Variants in NCAPD2 observed in about 807,000 individuals in gnomAD.
The protein encoded by NCAPD2 is non-SMC condensin I complex subunit D2.
Under a neutral mutation model 164.5 loss-of-function variants are expected in NCAPD2, and 100 were observed. The observed-to-expected ratio is 0.61, with a 90% CI of 0.52 to 0.72. The LOEUF is 0.72. NCAPD2 is among the 30% of genes least tolerant of loss of function. The pLI is 0.00. For synonymous variants in NCAPD2, 585 were observed against 642.6 expected (o/e 0.91, Z 1.36); for missense variants, 1,560 against 1,749.2 (o/e 0.89, Z 1.93).
At chr12:6,504,234 T>C (rs143070038) in intron 2 of NCAPD2, among the ~76,000 whole-genome samples, 47,780 of 107,786 alleles carry the variant, frequency 0.44, 10,746 homozygotes, top group African/African-American at 0.56. Flanking sequence ...GATATATATA[T>C]ATATATATAC....
rs1946366990 is a variant in NCAPD2, at chr12:6,530,969, T to C, written c.4013T>C (p.Val1338Ala). ...TCTACAGCCTCAGACAATGACTTTGTCACACCAGAGCCCCGCCGTACTACC... is the reference window on the plus strand; with the variant it reads ...TCTACAGCCTCAGACAATGACTTTGCCACACCAGAGCCCCGCCGTACTACC... ...LASTASDNDF[V>A]TPEPRRTTRR... The change falls in exon 31 of 32, where the codon GTC (valine) becomes GCC (alanine). Residue 1338 changes from valine (V) to alanine (A), a missense_variant. Transcript: ENST00000315579. The C allele has an allele frequency of 6.2e-7, 1 of 1,614,040 alleles. No homozygotes were observed.
Position 6,528,932 on chromosome 12 carries a change from CTCTG to C in NCAPD2, c.3478-9_3478-6del, listed in dbSNP as rs1169673202. 6.8e-6 allele frequency: 11 copies of C among 1,613,948 alleles called. No individual in the cohort carries two copies. The East Asian group carries it at 1.3e-4, about 20-fold the overall frequency. ...CACCTCATCTCCTTAACATGGCTCTCTCTGTCTTACAGGGCAACGCAATCTATAA... is the reference window on the plus strand; with the variant it reads ...CACCTCATCTCCTTAACATGGCTCTCTCTTACAGGGCAACGCAATCTATAA... On this transcript the variant is annotated splice_polypyrimidine_tract_variant and intron_variant, in intron 26 of 31. Coordinates refer to ENST00000315579, the MANE Select transcript of NCAPD2 (RefSeq NM_014865.4). This position sits in a 1 kb window ranked among gnomAD's most constrained non-coding sequence, Gnocchi z 5.1.
chr12:6,509,023 C>T (rs186178183), intron 2 of NCAPD2, among the ~76,000 whole-genome samples: 1 of 151,028 alleles, frequency 6.6e-6, no homozygotes, highest in Admixed American at 6.6e-5. Context: ...GACCTGACAA[C>T]TAAGTGCATT....
intron 2 of NCAPD2, among the ~76,000 whole-genome samples, chr12:6,509,065 T>C (rs1444999610): frequency 2.0e-5 from 3 of 149,176 alleles, no homozygotes; most frequent in African/African-American, 7.3e-5. Context: ...AGGACACAAA[T>C]AGGATAAACT....
rs555494125 is a variant in NCAPD2 at position 6,529,583 on chromosome 12, C to T, written c.3643C>T (p.Arg1215Cys). 5.6e-6 allele frequency: 9 copies of T among 1,614,216 alleles called. No homozygotes were observed. The highest frequency in any genetic ancestry group is 2.7e-5 in the African/African-American group (2 of 75,062). ...GGTGGAAAAGCTGTGTCAGCGGTTC[C>T]GCACATCCCGGTATGCTGCCCTCCC... Reference protein sequence around the residue: ...SLVEKLCQRFRTSRTERQQRD... With the variant: ...SLVEKLCQRFCTSRTERQQRD... Residue 1215 changes from arginine (R) to cysteine (C), a missense_variant, in exon 28 of 32, where the codon CGC becomes TGC. Coordinates refer to ENST00000315579, the MANE Select transcript of NCAPD2 (RefSeq NM_014865.4).
intron 9 of NCAPD2, among the ~76,000 whole-genome samples, chr12:6,516,061 T>C (rs1009149818): frequency 4.0e-5 from 6 of 151,358 alleles, no homozygotes; most frequent in Non-Finnish European, 8.8e-5. Flanking sequence ...CTGGGTGTGG[T>C]GGCGCGCACC....
chr12:6,507,526 C>G (rs1592167828), intron 2 of NCAPD2, among the ~76,000 whole-genome samples: 1 of 152,244 alleles, frequency 6.6e-6, no homozygotes, highest in South Asian at 2.1e-4. Context: ...AGTCCTGCCC[C>G]TGTACCCTTT....
rs1259167593 is a variant in NCAPD2, at chr12:6,526,602, T to G, written c.2721T>G (p.Ser907Arg). Residue 907 changes from serine (S) to arginine (R), a missense_variant, in exon 21 of 32, where the codon AGT (serine) becomes AGG (arginine). Physicochemically the swap from Ser to Arg is moderately radical, Grantham distance 110 (BLOSUM62 -1). Coordinates refer to ENST00000315579, the MANE Select transcript of NCAPD2 (RefSeq NM_014865.4). ...AGAAGCTAGAAGAGAAGAGAACCAGTCAGGAGGACCCGAGTAAGTGGGCAG... is the reference window on the plus strand; with the variant it reads ...AGAAGCTAGAAGAGAAGAGAACCAGGCAGGAGGACCCGAGTAAGTGGGCAG... ...ALEKLEEKRT[S>R]QEDPKESPAM... 2 of 1,613,474 alleles carry G rather than the reference T, an allele frequency of 1.2e-6. No homozygotes were observed. The highest frequency in any genetic ancestry group is 1.7e-5 in the Admixed American group (1 of 59,982).
rs575373567 is a variant in NCAPD2, at chr12:6,523,080, G to A, written c.2129+78G>A. The A allele has an allele frequency of 9.9e-5, 154 of 1,557,778 alleles. 1 individual carries two copies. Among genetic ancestry groups the A allele is most frequent in the Middle Eastern group, 2.1e-4 (1 of 4,818 alleles). The stretch of plus-strand genomic sequence containing the variant: ...GGACTTCCCTTGTCTCCTAAAGGAA[G>A]AGGTGCATTTCTCCAGGGGAGTTCC... On this transcript the variant is annotated intron_variant, in intron 16 of 31. Coordinates refer to ENST00000315579, the MANE Select transcript of NCAPD2 (RefSeq NM_014865.4).
At chr12:6,505,812 C>T (rs1388375135) in intron 2 of NCAPD2, among the ~76,000 whole-genome samples, 2 of 150,670 alleles carry the variant, frequency 1.3e-5, no homozygotes, top group Non-Finnish European at 2.9e-5. Flanking sequence ...TTGCAGTGAG[C>T]TGAGATTGTG....
chr12:6,517,674 G>A lies in NCAPD2; in HGVS notation c.1399G>A (p.Ala467Thr). 6.2e-7 allele frequency: 1 copy of A among 1,614,266 alleles called. No homozygotes were observed. Among genetic ancestry groups the A allele is most frequent in the Non-Finnish European group, 8.5e-7 (1 of 1,180,056 alleles). The change falls in exon 12 of 32, where the codon GCA (alanine) becomes ACA (threonine). Residue 467 changes from alanine to threonine, a missense_variant. By Grantham distance (58) the Ala-to-Thr change is moderately conservative. Transcript: ENST00000315579. ...AGAGATGAGGGCCCAGAGGCGAACTGCAGCAGCTTGTAAGTAGTTACTGCC... is the reference window on the plus strand; with the variant it reads ...AGAGATGAGGGCCCAGAGGCGAACTACAGCAGCTTGTAAGTAGTTACTGCC... ...LQEMRAQRRT[A>T]AASAVLDPEE...
At chr12:6,520,567 G>A (rs965614119) in intron 13 of NCAPD2, among the ~76,000 whole-genome samples, 4 of 152,154 alleles carry the variant, frequency 2.6e-5, no homozygotes, top group East Asian at 1.9e-4. Context: ...CTGGGCTCAC[G>A]TGTCCCCATT....
intron 22 of NCAPD2, 84 bp downstream of exon 22, chr12:6,527,147 T>A: frequency 1.4e-6 from 2 of 1,389,780 alleles, no homozygotes; most frequent in Admixed American, 2.5e-5. Context: ...CAATCTCTGC[T>A]CCTCTGCTAT....
At chr12:6,520,172 C>T (rs1360844603) in intron 13 of NCAPD2, among the ~76,000 whole-genome samples, 1 of 135,852 alleles carries the variant, frequency 7.4e-6, no homozygotes, top group Non-Finnish European at 1.5e-5. Context: ...CAGAACAAGA[C>T]TCTGTCTCTA....
chr12:6,510,950 G>A lies in NCAPD2; in HGVS notation c.444+140G>A, dbSNP rs937462711. 2.3e-5 allele frequency: 30 copies of A among 1,297,708 alleles called. No homozygotes were observed. The Admixed American group carries it at 3.4e-4, about 15-fold the overall frequency. 80.4% of individuals were successfully genotyped at this position (1,297,708 alleles called of 1,614,324 possible). On this transcript the variant is annotated intron_variant, in intron 5 of 31. Coordinates refer to ENST00000315579, the MANE Select transcript of NCAPD2 (RefSeq NM_014865.4). ...GAGAAAGAACTCAAAAGTGTCACAC[G>A]TTTTCTTCCTGGACAAGTAGCGCTG...
intron 13 of NCAPD2, among the ~76,000 whole-genome samples, chr12:6,518,520 T>TTTTTTTTTTG (rs1565544197): frequency 5.3e-5 from 6 of 114,014 alleles, no homozygotes; most frequent in African/African-American, 2.3e-4. Flanking sequence ...TTTTTTTTTT[T>TTTTTTTTTTG]TTTTTTTTTT....
intron 14 of NCAPD2, 73 bp downstream of exon 14, chr12:6,521,183 A>G: frequency 2.6e-6 from 4 of 1,553,866 alleles, no homozygotes; most frequent in Non-Finnish European, 3.5e-6. Flanking sequence ...ACTTTATGCC[A>G]TCATTGGCCT....
At position 6,527,876 on chromosome 12, in the gene NCAPD2, G is replaced by C. The variant is rs1196234958; in HGVS notation, c.3007G>C (p.Glu1003Gln). ...AELIRGICEMELLDGKQTLAA... is the reference protein window; with the variant it reads ...AELIRGICEMQLLDGKQTLAA... Reference sequence around the variant, plus strand: ...ACTAATCCGTGGCATCTGCGAGATGGAACTGTTGGATGGTAAGAAAAATGG... The same window carrying C: ...ACTAATCCGTGGCATCTGCGAGATGCAACTGTTGGATGGTAAGAAAAATGG... Residue 1003 changes from glutamate (E) to glutamine (Q), a missense_variant, in exon 23 of 32, where the codon GAA becomes CAA. Physicochemically the swap from Glu to Gln is conservative, Grantham distance 29 (BLOSUM62 2). Transcript: ENST00000315579. The C allele has an allele frequency of 6.2e-7, 1 of 1,613,688 alleles. No individual in the cohort carries two copies.
intron 9 of NCAPD2, among the ~76,000 whole-genome samples, chr12:6,516,327 T>C (rs1946199694): frequency 1.1e-5 from 1 of 93,290 alleles, no homozygotes; most frequent in East Asian, 2.0e-4. Flanking sequence ...TATGGTGAAA[T>C]CCTGTCTCTA....
Sources: allele counts gnomAD v4.1 joint callset (sites outside exome capture counted in the v4.1 genomes callset), GRCh38; gene constraint gnomAD v4.1.1; non-coding constraint Gnocchi (gnomAD v3.1); transcripts MANE v1.5; gene names NCBI Gene and HGNC (gene_info 2026-07-23, HGNC 2026-07-21).